The following ZNF138 variants were observed in gnomAD, a reference collection of about 807,000 sequenced individuals.
ZNF138 encodes the protein zinc finger protein 138.
Under a neutral mutation model 33.0 loss-of-function variants are expected in ZNF138, and 33 were observed. That is an observed-to-expected ratio of 1.00 (90% CI 0.76 to 1.34). The LOEUF (loss-of-function observed/expected upper bound fraction) is 1.34, where lower values mean the gene tolerates loss of function less well. Among genes scored for constraint, ZNF138 ranks in the 40% most tolerant of loss-of-function variants. The pLI is 0.00. For synonymous variants in ZNF138, 139 were observed against 120.4 expected, an observed-to-expected ratio of 1.15 and a Z score of -1.01; for missense variants, 360 against 370.8, an observed-to-expected ratio of 0.97 and a Z score of 0.24.
intron 1 of ZNF138, among the ~76,000 whole-genome samples, chr7:64,806,666 A>C (rs7799440): frequency 0.99 from 150,093 of 152,302 alleles, 73,997 homozygotes; most frequent in East Asian, 1. Flanking sequence ...TTATGTCTTT[A>C]TCCCTTCTTT....
intron 3 of ZNF138, chr7:64,830,919 CTG>C: frequency 6.5e-7 from 1 of 1,546,786 alleles, no homozygotes; most frequent in African/African-American, 1.4e-5. Flanking sequence ...CTTGCTACAA[CTG>C]TTCCCTGTCT....
At chr7:64,809,644 G>A (rs1461980248) in intron 1 of ZNF138, among the ~76,000 whole-genome samples, 1 of 149,152 alleles carries the variant, frequency 6.7e-6, no homozygotes, top group East Asian at 2.1e-4. Context: ...GGGCGGAGAC[G>A]CTCCTCACTT....
rs559816214 is a variant in ZNF138, at chr7:64,828,626, T to C, written c.209-2825T>C. ...TCTGCAAAAATTATGAGTATAAAAA[T>C]GACTCTTCATATGACTGTATATTTG... is the stretch of plus-strand genomic sequence containing the variant. On this transcript the variant is annotated intron_variant, in intron 3 of 3. Transcript: ENST00000307355. Among the ~76,000 whole-genome samples, 12 of 152,280 alleles carry C rather than the reference T, an allele frequency of 7.9e-5. 1 individual carries two copies. The South Asian group carries it at 2.5e-3, about 32-fold the overall frequency.
intron 3 of ZNF138, 93 bp from the exon 4 acceptor site, chr7:64,831,358 A>T: frequency 1.7e-6 from 2 of 1,182,376 alleles, no homozygotes; most frequent in Non-Finnish European, 1.2e-6. Context: ...CATCTTGCTT[A>T]TGTAGTTTGT....
Position 64,805,406 on chromosome 7 carries a change from C to CAAAAA in ZNF138, c.4-9508_4-9507insAAAAA. On this transcript the variant is annotated intron_variant, in intron 1 of 3. Transcript: ENST00000307355. ...AGAGCAAGACTCTGTCTCAAAAAAA[C>CAAAAA]AAAACAAAAAAAAAAACTGAGGCTG... 1.8e-4 allele frequency among the ~76,000 whole-genome samples: 3 copies of CAAAAA among 16,714 alleles called. No homozygotes were observed. In the East Asian group the frequency reaches 8.4e-3, roughly 47 times the overall value. 11.0% of individuals were successfully genotyped at this position (16,714 alleles called of 152,430 possible).
chr7:64,851,221 T>C, the ZNF138 span, among the ~76,000 whole-genome samples: 2 of 152,190 alleles, frequency 1.3e-5, no homozygotes, highest in East Asian at 3.8e-4. Context: ...AACTTTGTAT[T>C]TTTTGATCAA....
At chr7:64,828,788 T>A (rs549227374) in intron 3 of ZNF138, among the ~76,000 whole-genome samples, 1 of 152,154 alleles carries the variant, frequency 6.6e-6, no homozygotes, top group South Asian at 2.1e-4. Flanking sequence ...TGTTCCTTTT[T>A]TTTTTTGAAG....
the ZNF138 span, among the ~76,000 whole-genome samples, chr7:64,848,806 G>A: frequency 2.0e-5 from 3 of 147,172 alleles, no homozygotes; most frequent in Middle Eastern, 3.5e-3. Flanking sequence ...CCGGGTTCAC[G>A]CCATTCTCCT....
intron 3 of ZNF138, among the ~76,000 whole-genome samples, chr7:64,815,934 T>G (rs1186997136): frequency 1.3e-5 from 2 of 152,208 alleles, no homozygotes; most frequent in Admixed American, 1.3e-4. Flanking sequence ...TGCTTTTTTA[T>G]TGTTTTTAAG....
At chr7:64,851,845 A>G in the ZNF138 span, among the ~76,000 whole-genome samples, 44 of 152,316 alleles carry the variant, frequency 2.9e-4, no homozygotes, top group Admixed American at 7.8e-4. Context: ...TGAATGCACT[A>G]CTGGAGAATG....
In ZNF138 at chr7:64,831,530, A is replaced by G; in HGVS notation, c.288A>G (p.Arg96=). The change falls in exon 4 of 4, where the codon AGA becomes AGG. Residue 96 remains arginine (R), a synonymous_variant. Transcript: ENST00000307355. The part of the protein sequence containing the change: ...KDSFQKVTLS[R]YGKYGHKNLQ... Reference sequence around the variant, plus strand: ...CTTTCCAAAAAGTGACACTGAGCAGATATGGAAAATATGGACATAAGAATT... The same window carrying G: ...CTTTCCAAAAAGTGACACTGAGCAGGTATGGAAAATATGGACATAAGAATT... 1 of 1,613,138 alleles carries G rather than the reference A, an allele frequency of 6.2e-7. No individual in the cohort carries two copies. Among genetic ancestry groups the G allele is most frequent in the Non-Finnish European group, 8.5e-7 (1 of 1,179,678 alleles).
At chr7:64,851,708 TG>T in the ZNF138 span, among the ~76,000 whole-genome samples, 1 of 151,818 alleles carries the variant, frequency 6.6e-6, no homozygotes, top group Admixed American at 6.6e-5. Flanking sequence ...ATCCTTTTTT[TG>T]CTATCGATAA....
intron 1 of ZNF138, among the ~76,000 whole-genome samples, chr7:64,794,785 G>A (rs1180402599): frequency 1.3e-5 from 2 of 152,162 alleles, no homozygotes; most frequent in African/African-American, 4.8e-5. Flanking sequence ...TCCCTGCGCA[G>A]TGACTGTGCC....
the ZNF138 span, among the ~76,000 whole-genome samples, chr7:64,844,312 C>T: frequency 6.6e-6 from 1 of 152,166 alleles, no homozygotes; most frequent in East Asian, 1.9e-4. Context: ...AGGGTTTGGG[C>T]ATAACATGAG....
At chr7:64,844,923 G>C in the ZNF138 span, among the ~76,000 whole-genome samples, 1 of 152,210 alleles carries the variant, frequency 6.6e-6, no homozygotes. Flanking sequence ...CTGACCTCGT[G>C]ATCTGCCCGC....
downstream of ZNF138, among the ~76,000 whole-genome samples, chr7:64,835,100 A>G (rs6971678): frequency 0.99 from 150,418 of 152,140 alleles, 74,386 homozygotes; most frequent in East Asian, 1. Context: ...TGAGTTTCAC[A>G]CTTCTGAGTG....
intron 1 of ZNF138, chr7:64,813,928 C>T (rs1583833503): frequency 1.1e-5 from 8 of 703,910 alleles, no homozygotes; most frequent in Non-Finnish European, 1.4e-5. Context: ...TTTTTCTCTG[C>T]ATTATTAAGT....
downstream of ZNF138, among the ~76,000 whole-genome samples, chr7:64,834,726 G>A (rs1583912039): frequency 6.6e-6 from 1 of 152,162 alleles, no homozygotes; most frequent in South Asian, 2.1e-4. Context: ...CATGACAAAA[G>A]TCTAAGTGGA....
At chr7:64,813,399 C>A (rs565253225) in intron 1 of ZNF138, among the ~76,000 whole-genome samples, 6 of 150,268 alleles carry the variant, frequency 4.0e-5, no homozygotes, top group Non-Finnish European at 8.9e-5. Flanking sequence ...AATTACAGAA[C>A]ATGAATTACC....
Sources: gnomAD v4.1 joint callset for allele counts (sites outside exome capture counted in the v4.1 genomes callset) on GRCh38, gnomAD v4.1.1 for gene constraint, MANE v1.5 for transcripts, NCBI Gene and HGNC (gene_info 2026-07-23, HGNC 2026-07-21) for gene names.